COL24A1: variants seen among roughly 807,000 people sequenced by gnomAD.
COL24A1 encodes collagen alpha-1(XXIV) chain.
COL24A1 carries 224 observed loss-of-function variants against 253.9 expected under a neutral mutation model. The ratio of observed to expected loss-of-function variants is 0.88; its 90% CI spans 0.79 to 0.99. COL24A1 has a LOEUF of 0.99. Ranked by LOEUF, COL24A1 falls within the 50% of genes least tolerant of loss-of-function variation. COL24A1 has a pLI of 0.00. For missense variants in COL24A1, 2,131 were observed against 2,068.5 expected (o/e 1.03, Z -0.59); for synonymous variants, 685 against 673.7 (o/e 1.02, Z -0.26).
chr1:86,105,382 G>A (rs1009997572), intron 5 of COL24A1, among the ~76,000 whole-genome samples: 2 of 152,200 alleles, frequency 1.3e-5, no homozygotes, highest in Non-Finnish European at 2.9e-5. Context: ...GTCAGCTGTT[G>A]CGTGTCCAGA....
intron 5 of COL24A1, among the ~76,000 whole-genome samples, chr1:86,094,073 C>G (rs369715121): frequency 1.6e-4 from 24 of 152,228 alleles, no homozygotes; most frequent in African/African-American, 5.5e-4. Flanking sequence ...TTGCGGAAGA[C>G]AGTGTGGCAA....
chr1:86,150,394 C>A (rs1034194529), intron 1 of COL24A1, among the ~76,000 whole-genome samples: 3 of 152,130 alleles, frequency 2.0e-5, no homozygotes, highest in Non-Finnish European at 4.4e-5. Context: ...AGGAAATGAT[C>A]AAAAGTATTA....
At chr1:85,812,166 A>G (rs1672616339) in intron 47 of COL24A1, among the ~76,000 whole-genome samples, 2 of 152,224 alleles carry the variant, frequency 1.3e-5, no homozygotes, top group Non-Finnish European at 2.9e-5. Context: ...ATAAAATTGA[A>G]TGTATACCGC....
chr1:86,037,602 C>T (rs535675442), intron 12 of COL24A1, among the ~76,000 whole-genome samples: 2 of 152,236 alleles, frequency 1.3e-5, no homozygotes, highest in Admixed American at 1.3e-4. Flanking sequence ...GAACTTTACC[C>T]CAGTCAAGCT....
chr1:85,771,166 A>G (rs1266950999), intron 53 of COL24A1, among the ~76,000 whole-genome samples: 1 of 152,056 alleles, frequency 6.6e-6, no homozygotes, highest in Non-Finnish European at 1.5e-5. Flanking sequence ...GGTTTGTTGC[A>G]TAGGTATATT....
intron 7 of COL24A1, among the ~76,000 whole-genome samples, chr1:86,086,761 TTAA>T (rs2101940834): frequency 6.6e-6 from 1 of 152,300 alleles, no homozygotes; most frequent in East Asian, 1.9e-4. Flanking sequence ...TATATTCATA[TTAA>T]AGTAAGACAT....
intron 19 of COL24A1, among the ~76,000 whole-genome samples, chr1:86,010,396 T>C (rs887422971): frequency 3.3e-5 from 5 of 151,956 alleles, no homozygotes; most frequent in African/African-American, 9.7e-5. Flanking sequence ...AGTAGAAAAA[T>C]GGGCAAAAAA....
chr1:85,994,625 T>C (rs569642729), intron 19 of COL24A1, among the ~76,000 whole-genome samples: 17 of 152,148 alleles, frequency 1.1e-4, no homozygotes, highest in Middle Eastern at 6.8e-3. Context: ...AGGAAAGTAA[T>C]AATAAAAAAG....
chr1:85,975,471 T>A (rs1338604214), intron 20 of COL24A1, among the ~76,000 whole-genome samples: 4 of 152,112 alleles, frequency 2.6e-5, no homozygotes, highest in African/African-American at 9.7e-5. Context: ...ACAACAAGGC[T>A]AGAATGGGAG....
chr1:86,114,849 T>C (rs566933955), intron 4 of COL24A1, among the ~76,000 whole-genome samples: 33 of 152,298 alleles, frequency 2.2e-4, no homozygotes, highest in Middle Eastern at 3.4e-3. Flanking sequence ...ATAAGTCTTT[T>C]GTTGGGCCTG....
rs373361378 is a variant in COL24A1 at position 86,126,162 on chromosome 1, T to C, written c.174A>G (p.Ser58=). 166 of 1,607,208 alleles carry C rather than the reference T, an allele frequency of 1.0e-4. No homozygotes were observed. In the African/African-American group the frequency reaches 1.9e-3, roughly 19 times the overall value. ...LGLGGKDVRH[S]SPATAVPSAS... ...CTGATGGTACAGCAGTCGCTGGTGA[T>C]GAGTGTCTTACGTCTTTGCCTCCAA... Residue 58 remains serine (S), a synonymous_variant, in exon 3 of 60, where the codon TCA becomes TCG. Transcript: ENST00000370571.
chr1:85,823,425 C>T (rs934377286), intron 45 of COL24A1, 111 bp downstream of exon 45: 1 of 1,005,760 alleles, frequency 9.9e-7, no homozygotes, highest in African/African-American at 1.6e-5. Context: ...GATCCATATT[C>T]TACAGTGATA....
At chr1:86,101,852 T>C (rs911222211) in intron 5 of COL24A1, among the ~76,000 whole-genome samples, 1 of 152,146 alleles carries the variant, frequency 6.6e-6, no homozygotes, top group South Asian at 2.1e-4. Flanking sequence ...TTTTCTTTTC[T>C]TGTACCTCTG....
At chr1:85,982,433 T>C (rs1208506453) in intron 20 of COL24A1, among the ~76,000 whole-genome samples, 1 of 152,080 alleles carries the variant, frequency 6.6e-6, no homozygotes, top group Non-Finnish European at 1.5e-5. Context: ...TGTTATATGC[T>C]TGTTCTTATT....
At chr1:86,044,237 A>G (rs1005421587) in intron 12 of COL24A1, among the ~76,000 whole-genome samples, 7 of 152,210 alleles carry the variant, frequency 4.6e-5, no homozygotes, top group Non-Finnish European at 1.0e-4. Context: ...CCTTTTGAAG[A>G]TGATTTTATT....
At chr1:85,954,949 T>C (rs597330) in intron 24 of COL24A1, among the ~76,000 whole-genome samples, 46,680 of 152,000 alleles carry the variant, frequency 0.31, 7,351 homozygotes, top group African/African-American at 0.35. Context: ...CTTCTTATGA[T>C]TTAGGTAGGT....
chr1:85,997,313 A>C (rs1694925527), intron 19 of COL24A1, among the ~76,000 whole-genome samples: 1 of 151,908 alleles, frequency 6.6e-6, no homozygotes, highest in Non-Finnish European at 1.5e-5. Context: ...TGGGCAATAA[A>C]GATGTGAAAT....
At chr1:85,996,977 C>G (rs1694853206) in intron 19 of COL24A1, among the ~76,000 whole-genome samples, 1 of 149,590 alleles carries the variant, frequency 6.7e-6, no homozygotes. Context: ...CACATTCTCT[C>G]TTTCTTCAAA....
chr1:86,029,173 G>A (rs1698317702), intron 14 of COL24A1, among the ~76,000 whole-genome samples: 1 of 151,300 alleles, frequency 6.6e-6, no homozygotes, highest in African/African-American at 2.4e-5. Context: ...ATCACACAGA[G>A]TTTCTCAGAA....
Sources: gnomAD v4.1 joint callset for allele counts (sites outside exome capture counted in the v4.1 genomes callset) on GRCh38, gnomAD v4.1.1 for gene constraint, MANE v1.5 for transcripts, NCBI Gene and HGNC (gene_info 2026-07-23, HGNC 2026-07-21) for gene names.